The following RNF10 variants were observed in gnomAD, a reference collection of about 807,000 sequenced individuals.
RNF10 encodes the protein E3 ubiquitin-protein ligase RNF10.
Under a neutral mutation model 91.4 loss-of-function variants are expected in RNF10, and 38 were observed. The ratio of observed to expected loss-of-function variants is 0.42; its 90% confidence interval spans 0.32 to 0.54. The LOEUF is 0.54. RNF10 is among the 20% of genes least tolerant of loss of function. The probability of loss-of-function intolerance (pLI) is 0.16; values close to 1 mark genes in which losing one functional copy is unlikely to be tolerated. For missense variants in RNF10, 945 were observed against 1,012.0 expected (o/e 0.93, Z 0.90); for synonymous variants, 364 against 366.3 (o/e 0.99, Z 0.07).
At chr12:120,553,974 G>A (rs969992745) in intron 3 of RNF10, 2 of 148,798 alleles carry the variant, frequency 1.3e-5, no homozygotes, top group African/African-American at 5.0e-5. Context: ...GCGTGATCTC[G>A]GCTCCCTGCA....
rs1404189521 is a variant in RNF10, at chr12:120,534,839, G to A, written c.28G>A (p.Ala10Thr). 1 of 1,601,142 alleles carries A rather than the reference G, an allele frequency of 6.2e-7. No homozygotes were observed. Among genetic ancestry groups the A allele is most frequent in the Admixed American group, 1.7e-5 (1 of 59,172 alleles). The change falls in exon 1 of 17, where the codon GCC becomes ACC. Residue 10 changes from alanine (A) to threonine (T), a missense_variant. Transcript: ENST00000325954. MPLSSPNAA[A>T]TASDMDKNSG... The stretch of plus-strand genomic sequence containing the variant: ...GCCGCTGAGCTCCCCCAACGCCGCC[G>A]CCACCGCCTCCGACATGGACAAGAA...
At chr12:120,542,072 T>C (rs1374904809) in intron 1 of RNF10, among the ~76,000 whole-genome samples, 1 of 151,758 alleles carries the variant, frequency 6.6e-6, no homozygotes, top group East Asian at 1.9e-4. Flanking sequence ...TTCACCATGT[T>C]AGCCAGGATG....
chr12:120,566,839 A>G lies in RNF10; in HGVS notation c.1900A>G (p.Ile634Val). The G allele has an allele frequency of 6.2e-7, 1 of 1,613,090 alleles. No individual in the cohort carries two copies. Among genetic ancestry groups the G allele is most frequent in the Non-Finnish European group, 8.5e-7 (1 of 1,179,784 alleles). The change falls in exon 13 of 17, where the codon ATT becomes GTT. Residue 634 changes from isoleucine to valine, a missense_variant. Coordinates refer to ENST00000325954, the MANE Select transcript of RNF10 (RefSeq NM_014868.5). ...KKQGKYPEVHIPLENLQQFPA... is the reference protein window; with the variant it reads ...KKQGKYPEVHVPLENLQQFPA... ...TTCCTTTGCAGACCCAGAAGTCCACATTCCCCTCGAGAATCTACAGCAGTT... is the reference window on the plus strand; with the variant it reads ...TTCCTTTGCAGACCCAGAAGTCCACGTTCCCCTCGAGAATCTACAGCAGTT...
intron 4 of RNF10, among the ~76,000 whole-genome samples, chr12:120,555,479 G>C (rs1195360224): frequency 6.8e-6 from 1 of 147,200 alleles, no homozygotes; most frequent in African/African-American, 2.5e-5. Context: ...ACTCTATCTG[G>C]CCCAGTTGTA....
chr12:120,548,844 G>T (rs1325160498), intron 2 of RNF10, among the ~76,000 whole-genome samples: 1 of 151,596 alleles, frequency 6.6e-6, no homozygotes, highest in African/African-American at 2.4e-5. Context: ...AATTTTTTTT[G>T]TATTTTTAGT....
intron 12 of RNF10, among the ~76,000 whole-genome samples, chr12:120,566,412 A>G (rs1743188822): frequency 6.6e-6 from 1 of 152,182 alleles, no homozygotes; most frequent in Non-Finnish European, 1.5e-5. Flanking sequence ...TTTTGTCTGC[A>G]TCCTCTAGAC....
At chr12:120,557,234 C>G in intron 4 of RNF10, 48 bp from the exon 5 acceptor site, 2 of 1,586,282 alleles carry the variant, frequency 1.3e-6, no homozygotes, top group African/African-American at 1.3e-5. Context: ...TTGACAGTCC[C>G]TAATCAGTTC....
chr12:120,559,453 C>T (rs1413550809), intron 6 of RNF10, among the ~76,000 whole-genome samples: 6 of 151,818 alleles, frequency 4.0e-5, no homozygotes, highest in Admixed American at 2.0e-4. Context: ...GGTGCAATCC[C>T]GGCTCACTGC....
At chr12:120,537,603 G>A (rs1025022572) in intron 1 of RNF10, among the ~76,000 whole-genome samples, 4 of 152,006 alleles carry the variant, frequency 2.6e-5, no homozygotes, top group East Asian at 1.9e-4. Flanking sequence ...ACTCCAGCCC[G>A]TCTAAAAAAA....
At position 120,577,273 on chromosome 12, in the gene RNF10, T is replaced by C. The variant is rs976662248; in HGVS notation, c.*607T>C. On this transcript the variant is annotated 3_prime_UTR_variant, in exon 17 of 17. Transcript: ENST00000325954. ...CACTTGCATGTGTGAAAGGAGGGTT[T>C]TGCCTCTTCTTGAGCATGGCTTGAG... 2 of 425,632 alleles carry C rather than the reference T, an allele frequency of 4.7e-6. No individual in the cohort carries two copies. Among genetic ancestry groups the C allele is most frequent in the African/African-American group, 4.2e-5 (2 of 47,678 alleles). 26.4% of individuals were successfully genotyped at this position (425,632 alleles called of 1,614,324 possible). A position where few individuals can be genotyped will look rare whatever the true frequency, so the allele number is the denominator to read the frequency against.
At chr12:120,550,933 T>G (rs931041089) in intron 2 of RNF10, among the ~76,000 whole-genome samples, 18 of 152,044 alleles carry the variant, frequency 1.2e-4, no homozygotes, top group Non-Finnish European at 2.1e-4. Flanking sequence ...GTTGTTAATA[T>G]AAAAAAGGAA....
chr12:120,543,210 C>A (rs1221778382), intron 1 of RNF10, among the ~76,000 whole-genome samples: 1 of 152,180 alleles, frequency 6.6e-6, no homozygotes, highest in Non-Finnish European at 1.5e-5. Flanking sequence ...AAAAATTACT[C>A]AGATAATATT....
chr12:120,552,079 G>T (rs1873185651), intron 2 of RNF10, among the ~76,000 whole-genome samples: 1 of 126,954 alleles, frequency 7.9e-6, no homozygotes. Context: ...GTGAGACTCT[G>T]TCTCAAAAAA....
chr12:120,561,784 T>C (rs535146904), intron 7 of RNF10, among the ~76,000 whole-genome samples: 2 of 152,200 alleles, frequency 1.3e-5, no homozygotes, highest in Non-Finnish European at 2.9e-5. Flanking sequence ...GCTTTCTTTC[T>C]ATAATACGTT....
At chr12:120,566,279 C>T (rs1270122729) in intron 12 of RNF10, among the ~76,000 whole-genome samples, 1 of 152,114 alleles carries the variant, frequency 6.6e-6, no homozygotes, top group Non-Finnish European at 1.5e-5. Flanking sequence ...AATATCAAGA[C>T]AAGTAGAACA....
At chr12:120,558,661 C>T (rs1201681055) in intron 6 of RNF10, among the ~76,000 whole-genome samples, 5 of 149,450 alleles carry the variant, frequency 3.3e-5, no homozygotes, top group Admixed American at 6.7e-5. Context: ...CTCTGCCTCC[C>T]GGGTTTGAGC....
chr12:120,551,293 T>TG, intron 2 of RNF10, among the ~76,000 whole-genome samples: 2 of 125,834 alleles, frequency 1.6e-5, no homozygotes, highest in East Asian at 4.1e-4. Flanking sequence ...TCCTAGTGTT[T>TG]TTTTTTTTTT....
At chr12:120,539,602 A>C in intron 1 of RNF10, 1 of 399,682 alleles carries the variant, frequency 2.5e-6, no homozygotes, top group Non-Finnish European at 4.9e-6. Flanking sequence ...ACTGTGAAAA[A>C]CTTGTGGCCC....
chr12:120,570,477 A>G (rs922481058), intron 13 of RNF10, among the ~76,000 whole-genome samples: 3 of 152,158 alleles, frequency 2.0e-5, no homozygotes, highest in African/African-American at 7.2e-5. Flanking sequence ...GAGCCACCGC[A>G]CCCGGCTTTT....
Sources: allele counts gnomAD v4.1 joint callset (sites outside exome capture counted in the v4.1 genomes callset), GRCh38; gene constraint gnomAD v4.1.1; transcripts MANE v1.5; gene names NCBI Gene and HGNC (gene_info 2026-07-23, HGNC 2026-07-21).